CSMD1: variants seen among roughly 807,000 people sequenced by gnomAD.
CSMD1 encodes the protein CUB and sushi domain-containing protein 1.
Under a neutral mutation model 417.5 loss-of-function variants are expected in CSMD1, and 213 were observed. The observed-to-expected ratio is 0.51, with a 90% CI of 0.46 to 0.57. CSMD1 has a LOEUF of 0.57. CSMD1 is among the 20% of genes least tolerant of loss of function. CSMD1 has a pLI of 0.00. For missense variants in CSMD1, 6,923 were observed against 4,529.7 expected (o/e 1.53, Z -15.17); for synonymous variants, 2,862 against 1,736.8 (o/e 1.65, Z -16.11).
chr8:4,476,873 A>T (rs1399361116), intron 2 of CSMD1, among the ~76,000 whole-genome samples: 1 of 152,204 alleles, frequency 6.6e-6, no homozygotes, highest in Non-Finnish European at 1.5e-5. Context: ...CATAAACTAC[A>T]GGCTTTTTTG....
chr8:4,262,105 C>G (rs1803927797), intron 3 of CSMD1, among the ~76,000 whole-genome samples: 1 of 152,104 alleles, frequency 6.6e-6, no homozygotes, highest in Admixed American at 6.5e-5. Context: ...ATTACTGTTA[C>G]TTCTCTTTCC....
intron 9 of CSMD1, among the ~76,000 whole-genome samples, chr8:3,578,263 A>T (rs943137807): frequency 6.6e-6 from 1 of 152,192 alleles, no homozygotes; most frequent in African/African-American, 2.4e-5. Context: ...GCTGAGAAAG[A>T]AGAGATGACC....
chr8:3,727,530 G>T (rs1162641438), intron 6 of CSMD1, among the ~76,000 whole-genome samples: 1 of 152,190 alleles, frequency 6.6e-6, no homozygotes, highest in Non-Finnish European at 1.5e-5. Flanking sequence ...GTAAAATGAG[G>T]CAGCTGTCGT....
intron 3 of CSMD1, among the ~76,000 whole-genome samples, chr8:4,125,853 G>T (rs994161112): frequency 4.6e-5 from 7 of 152,078 alleles, no homozygotes; most frequent in Admixed American, 4.6e-4. Context: ...TGCTTTGCAG[G>T]ACTAACAAAT....
intron 1 of CSMD1, among the ~76,000 whole-genome samples, chr8:4,979,667 G>T (rs574979643): frequency 6.6e-6 from 1 of 152,326 alleles, no homozygotes; most frequent in African/African-American, 2.4e-5. Flanking sequence ...TTGGTGTGGT[G>T]AAAATGTGTT....
At chr8:3,276,560 G>A (rs563342850) in intron 26 of CSMD1, among the ~76,000 whole-genome samples, 7 of 152,104 alleles carry the variant, frequency 4.6e-5, no homozygotes, top group African/African-American at 1.4e-4. Flanking sequence ...CCCATGATTC[G>A]ATTACCTCCC....
At chr8:3,341,495 G>GTC (rs1807644980) in intron 23 of CSMD1, among the ~76,000 whole-genome samples, 1 of 152,182 alleles carries the variant, frequency 6.6e-6, no homozygotes, top group Non-Finnish European at 1.5e-5. Context: ...GGTTGGAAAC[G>GTC]TAATGAGAAA....
chr8:2,985,131 A>G (rs1215822542), intron 54 of CSMD1, among the ~76,000 whole-genome samples: 1 of 152,198 alleles, frequency 6.6e-6, no homozygotes, highest in Non-Finnish European at 1.5e-5. Flanking sequence ...CTGTGACACA[A>G]TTTTTATGTC....
At chr8:4,407,817 T>C (rs1458088268) in intron 3 of CSMD1, among the ~76,000 whole-genome samples, 1 of 152,206 alleles carries the variant, frequency 6.6e-6, no homozygotes, top group Non-Finnish European at 1.5e-5. Context: ...TGAGAAGGTT[T>C]TGAACAAGTG....
At chr8:4,272,129 G>C (rs1478343164) in intron 3 of CSMD1, among the ~76,000 whole-genome samples, 4 of 152,040 alleles carry the variant, frequency 2.6e-5, no homozygotes, top group African/African-American at 9.7e-5. Flanking sequence ...GTGTGTGGCT[G>C]GACACATGGA....
chr8:4,761,853 AT>A (rs1812095206), intron 1 of CSMD1, among the ~76,000 whole-genome samples: 1 of 70,428 alleles, frequency 1.4e-5, no homozygotes, highest in Non-Finnish European at 3.0e-5. Flanking sequence ...CTATCTATCT[AT>A]CTATCTATCT....
chr8:3,784,280 T>C (rs995295721), intron 5 of CSMD1, among the ~76,000 whole-genome samples: 1 of 152,204 alleles, frequency 6.6e-6, no homozygotes, highest in Admixed American at 6.5e-5. Flanking sequence ...GATTACTAAA[T>C]TTCTCAGATA....
At position 3,275,948 on chromosome 8, in the gene CSMD1, T is replaced by G. The variant is rs1802256342; in HGVS notation, c.4153+8196A>C. On this transcript the variant is annotated intron_variant, in intron 26 of 69. Transcript: ENST00000635120. ...TCAGCTTGTCAAACTCTTTCTCTGTTCAGCTTTGTTCCGTTGCTGGTGAGG... is the reference window on the plus strand; with the variant it reads ...TCAGCTTGTCAAACTCTTTCTCTGTGCAGCTTTGTTCCGTTGCTGGTGAGG... Among the ~76,000 whole-genome samples the G allele has an allele frequency of 2.0e-5, 3 of 152,276 alleles. No individual in the cohort carries two copies. The South Asian group carries it at 6.2e-4, about 32-fold the overall frequency.
chr8:3,886,822 T>A (rs192743720), intron 5 of CSMD1, among the ~76,000 whole-genome samples: 191 of 152,296 alleles, frequency 1.3e-3, no homozygotes, highest in African/African-American at 4.3e-3. Flanking sequence ...GAATAGAGAT[T>A]TGAACACAGA....
At chr8:4,104,883 T>C (rs116595395) in intron 3 of CSMD1, among the ~76,000 whole-genome samples, 332 of 152,320 alleles carry the variant, frequency 2.2e-3, no homozygotes, top group African/African-American at 7.4e-3. Flanking sequence ...ACTTTTTCTT[T>C]TGTATCCATT....
intron 10 of CSMD1, among the ~76,000 whole-genome samples, chr8:3,502,272 G>A (rs1412765293): frequency 4.0e-5 from 6 of 151,388 alleles, no homozygotes; most frequent in East Asian, 3.9e-4. Context: ...GGCTGAGGCA[G>A]GAGACTGACG....
Position 4,185,248 on chromosome 8 carries a change from G to A in CSMD1, c.416-153149C>T, listed in dbSNP as rs565745941. 3.4e-4 allele frequency among the ~76,000 whole-genome samples: 52 copies of A among 151,884 alleles called. 1 individual carries two copies. The South Asian group carries it at 6.0e-3, about 18-fold the overall frequency. ...CCTGCTTTCTTGCCTTTGAATCCTG[G>A]CCCTACCCCTTGCAATTCGTCATGA... On this transcript the variant is annotated intron_variant, in intron 3 of 69. Coordinates refer to ENST00000635120, the MANE Select transcript of CSMD1 (RefSeq NM_033225.6).
rs376556472 is a variant in CSMD1, at chr8:4,156,111, C to T, written c.416-124012G>A. On this transcript the variant is annotated intron_variant, in intron 3 of 69. Coordinates refer to ENST00000635120, the MANE Select transcript of CSMD1 (RefSeq NM_033225.6). ...GAGTTATCAGAGCATAATAATCATC[C>T]GATCCTGACATTAAGAGTCCCTCTG... Among the ~76,000 whole-genome samples, 14 of 152,196 alleles carry T rather than the reference C, an allele frequency of 9.2e-5. No homozygotes were observed. The East Asian group carries it at 1.2e-3, about 13-fold the overall frequency.
chr8:4,839,966 T>C (rs1317053143), intron 1 of CSMD1, among the ~76,000 whole-genome samples: 1 of 152,156 alleles, frequency 6.6e-6, no homozygotes, highest in Non-Finnish European at 1.5e-5. Context: ...CTTCAGTGTT[T>C]GCAAGTGTAA....
Sources: gnomAD v4.1 joint callset for allele counts (sites outside exome capture counted in the v4.1 genomes callset) on GRCh38, gnomAD v4.1.1 for gene constraint, MANE v1.5 for transcripts, NCBI Gene and HGNC (gene_info 2026-07-23, HGNC 2026-07-21) for gene names.